GRIK4: variants seen among roughly 807,000 people sequenced by gnomAD.
The protein encoded by GRIK4 is glutamate receptor ionotropic, kainate 4.
In GRIK4, 40 loss-of-function variants were observed where a neutral mutation model predicts 104.9. The observed-to-expected ratio is 0.38, with a 90% CI of 0.30 to 0.50. The LOEUF is 0.50. GRIK4 is among the 20% of genes least tolerant of loss of function. GRIK4 has a pLI of 0.93. For missense variants in GRIK4, 1,047 were observed against 1,308.1 expected, an observed-to-expected ratio of 0.80 and a Z score of 3.08; for synonymous variants, 485 against 524.9, an observed-to-expected ratio of 0.92 and a Z score of 1.04.
At chr11:120,830,660 T>C (rs1272414945) in intron 6 of GRIK4, among the ~76,000 whole-genome samples, 3 of 152,168 alleles carry the variant, frequency 2.0e-5, no homozygotes, top group Non-Finnish European at 2.9e-5. Flanking sequence ...CCGATTCTCC[T>C]CTGTGCTGGG....
intron 9 of GRIK4, chr11:120,870,031 CA>C (rs1954556809): frequency 6.6e-6 from 1 of 152,276 alleles, no homozygotes; most frequent in Non-Finnish European, 1.5e-5. Context: ...GCATCCCAAC[CA>C]GACACAGACA....
At chr11:120,828,627 G>A (rs1414598415) in intron 6 of GRIK4, among the ~76,000 whole-genome samples, 3 of 152,220 alleles carry the variant, frequency 2.0e-5, no homozygotes, top group Non-Finnish European at 2.9e-5. Flanking sequence ...CATGTCCCCA[G>A]ACTGGGTTCT....
chr11:120,632,984 T>A (rs1406499465), intron 1 of GRIK4, among the ~76,000 whole-genome samples: 1 of 152,004 alleles, frequency 6.6e-6, no homozygotes, highest in Admixed American at 6.6e-5. Flanking sequence ...TCATCAGCCA[T>A]TTAACAGATG....
At chr11:120,678,695 A>G (rs7119539) in intron 3 of GRIK4, among the ~76,000 whole-genome samples, 69,359 of 150,872 alleles carry the variant, frequency 0.46, 16,338 homozygotes, top group East Asian at 0.57. Context: ...GTAAAGTGGC[A>G]CGATCTTGGC....
chr11:120,611,256 A>G (rs1340367490), intron 1 of GRIK4, among the ~76,000 whole-genome samples: 1 of 152,172 alleles, frequency 6.6e-6, no homozygotes, highest in East Asian at 1.9e-4. Flanking sequence ...TTTGAATCCT[A>G]GCTCTGCTGA....
At chr11:120,782,313 T>A (rs1007669695) in intron 3 of GRIK4, among the ~76,000 whole-genome samples, 1 of 138,534 alleles carries the variant, frequency 7.2e-6, no homozygotes, top group African/African-American at 2.8e-5. Context: ...TGAGACGGAG[T>A]CTCGCTCTGT....
At chr11:120,697,991 G>A (rs942007245) in intron 3 of GRIK4, among the ~76,000 whole-genome samples, 7 of 152,224 alleles carry the variant, frequency 4.6e-5, no homozygotes, top group Middle Eastern at 3.4e-3. Context: ...CTCTGGGGGT[G>A]GGGTGGCGTG....
chr11:120,571,952 T>G (rs1948406006), intron 1 of GRIK4, among the ~76,000 whole-genome samples: 1 of 152,246 alleles, frequency 6.6e-6, no homozygotes. Context: ...GGAGGCATCC[T>G]GTCTATGTCA....
chr11:120,607,334 AG>A (rs1948975249), intron 1 of GRIK4, among the ~76,000 whole-genome samples: 1 of 152,208 alleles, frequency 6.6e-6, no homozygotes. Context: ...ACAGTGAGGC[AG>A]GGAGGGGCAC....
At chr11:120,535,288 A>AG (rs1487025593) in intron 1 of GRIK4, among the ~76,000 whole-genome samples, 3 of 25,636 alleles carry the variant, frequency 1.2e-4, no homozygotes, top group Non-Finnish European at 2.3e-4. Context: ...GGAAGAGGGA[A>AG]GGGGGGTGCA....
At chr11:120,743,580 G>GT (rs927513912) in intron 3 of GRIK4, among the ~76,000 whole-genome samples, 2 of 151,924 alleles carry the variant, frequency 1.3e-5, no homozygotes, top group African/African-American at 2.4e-5. Context: ...TAGAATAAAA[G>GT]TTTTTTTTAA....
At chr11:120,564,140 G>A in intron 1 of GRIK4, among the ~76,000 whole-genome samples, 1 of 151,950 alleles carries the variant, frequency 6.6e-6, no homozygotes, top group East Asian at 1.9e-4. Flanking sequence ...GGCTAGCGCT[G>A]GAGCCCCAGC....
chr11:120,641,445 T>C (rs544096735), intron 1 of GRIK4, among the ~76,000 whole-genome samples: 1 of 151,508 alleles, frequency 6.6e-6, no homozygotes, highest in African/African-American at 2.4e-5. Flanking sequence ...TGGCTGAGTA[T>C]ATTTATAGTT....
chr11:120,818,410 A>C (rs4935752), intron 5 of GRIK4, among the ~76,000 whole-genome samples: 44,397 of 152,144 alleles, frequency 0.29, 7,412 homozygotes, highest in East Asian at 0.42. Flanking sequence ...GGGAAGAAAG[A>C]TCCGTTATGA....
intron 5 of GRIK4, among the ~76,000 whole-genome samples, chr11:120,816,153 C>T (rs1057402485): frequency 6.6e-6 from 1 of 151,960 alleles, no homozygotes; most frequent in South Asian, 2.1e-4. Context: ...GAGTGACTGC[C>T]CCCCTCCCTA....
chr11:120,810,945 A>G (rs1215539454), intron 4 of GRIK4, among the ~76,000 whole-genome samples: 2 of 152,202 alleles, frequency 1.3e-5, no homozygotes, highest in Non-Finnish European at 2.9e-5. Context: ...AAGAAATGCT[A>G]CATTTCACTT....
At chr11:120,754,023 G>T (rs3133225) in intron 3 of GRIK4, among the ~76,000 whole-genome samples, 1 of 151,836 alleles carries the variant, frequency 6.6e-6, no homozygotes, top group African/African-American at 2.4e-5. Context: ...TTAGATTTGC[G>T]GATTTTGGAC....
chr11:120,637,223 G>A (rs1325691808), intron 1 of GRIK4, among the ~76,000 whole-genome samples: 1 of 152,132 alleles, frequency 6.6e-6, no homozygotes, highest in African/African-American at 2.4e-5. Context: ...GCAGGGAGCG[G>A]GTGTTCTTGA....
chr11:120,971,323 C>T (rs1591347529), intron 19 of GRIK4, among the ~76,000 whole-genome samples: 1 of 152,326 alleles, frequency 6.6e-6, no homozygotes, highest in South Asian at 2.1e-4. Flanking sequence ...CCCAGAACAT[C>T]ACCTGCCATC....
Sources: allele counts gnomAD v4.1 joint callset (sites outside exome capture counted in the v4.1 genomes callset), GRCh38; gene constraint gnomAD v4.1.1; transcripts MANE v1.5; gene names NCBI Gene and HGNC (gene_info 2026-07-23, HGNC 2026-07-21).